TRMT9B: variants seen among roughly 807,000 people sequenced by gnomAD.
The protein encoded by TRMT9B is probable tRNA methyltransferase 9B.
Under a neutral mutation model 11.5 loss-of-function variants are expected in TRMT9B, and 16 were observed. The ratio of observed to expected loss-of-function variants is 1.39; its 90% CI spans 0.94 to 2.11. The LOEUF is 2.11. Among genes scored for constraint, TRMT9B ranks in the 30% most tolerant of loss-of-function variants. The pLI, the probability that TRMT9B is intolerant of heterozygous loss-of-function variation, is 0.00. For synonymous variants in TRMT9B, 274 were observed against 192.4 expected, an observed-to-expected ratio of 1.42 and a Z score of -3.51; for missense variants, 941 against 553.8, an observed-to-expected ratio of 1.70 and a Z score of -7.02.
At chr8:12,968,809 C>A (rs538987788) in intron 1 of TRMT9B, among the ~76,000 whole-genome samples, 1 of 152,182 alleles carries the variant, frequency 6.6e-6, no homozygotes, top group Admixed American at 6.5e-5. Context: ...GAGAGCCATG[C>A]TGTTCATTAT....
At chr8:12,966,107 C>G (rs982430614) in intron 1 of TRMT9B, among the ~76,000 whole-genome samples, 1 of 151,876 alleles carries the variant, frequency 6.6e-6, no homozygotes, top group African/African-American at 2.4e-5. Flanking sequence ...AGAAGGATCA[C>G]TTGAGCCCAG....
chr8:13,002,248 G>T (rs1165752292), intron 2 of TRMT9B, among the ~76,000 whole-genome samples: 1 of 152,132 alleles, frequency 6.6e-6, no homozygotes, highest in African/African-American at 2.4e-5. Flanking sequence ...AAGGAACCCA[G>T]TTTATGTCGG....
intron 1 of TRMT9B, among the ~76,000 whole-genome samples, chr8:12,963,910 T>C (rs1338966320): frequency 6.6e-6 from 1 of 152,210 alleles, no homozygotes; most frequent in Non-Finnish European, 1.5e-5. Context: ...TGGGTTCTAG[T>C]CCTTGCTCCT....
At chr8:12,969,846 A>ATTTTTT (rs368805990) in intron 1 of TRMT9B, among the ~76,000 whole-genome samples, 2 of 124,372 alleles carry the variant, frequency 1.6e-5, no homozygotes, top group Non-Finnish European at 3.4e-5. Context: ...TAATGTTTTA[A>ATTTTTT]TTTTTTTTTT....
intron 2 of TRMT9B, among the ~76,000 whole-genome samples, chr8:13,000,725 C>A: frequency 6.6e-6 from 1 of 152,204 alleles, no homozygotes; most frequent in East Asian, 1.9e-4. Flanking sequence ...GATATTACAA[C>A]ACTATGTGTC....
At chr8:12,959,429 G>A (rs190613518) in intron 1 of TRMT9B, among the ~76,000 whole-genome samples, 3 of 150,014 alleles carry the variant, frequency 2.0e-5, no homozygotes, top group Non-Finnish European at 2.9e-5. Context: ...TTATGTCCAT[G>A]CAAATATGCC....
intron 4 of TRMT9B, among the ~76,000 whole-genome samples, chr8:13,013,164 A>T (rs972484639): frequency 2.0e-5 from 3 of 152,200 alleles, no homozygotes; most frequent in Non-Finnish European, 2.9e-5. Flanking sequence ...GCACTTCATT[A>T]TATTTAAATG....
chr8:12,972,832 C>A (rs1029922443), intron 1 of TRMT9B, among the ~76,000 whole-genome samples: 6 of 151,654 alleles, frequency 4.0e-5, no homozygotes, highest in African/African-American at 1.4e-4. Flanking sequence ...GTAAAATATG[C>A]ATAATATAAA....
chr8:12,972,307 C>T (rs551816835), intron 1 of TRMT9B, among the ~76,000 whole-genome samples: 49 of 152,238 alleles, frequency 3.2e-4, no homozygotes, highest in Admixed American at 1.4e-3. Context: ...GCGGGGCTGG[C>T]CGGCTGGTGC....
intron 1 of TRMT9B, among the ~76,000 whole-genome samples, chr8:12,989,984 A>C (rs1301960268): frequency 9.2e-5 from 14 of 152,256 alleles, no homozygotes; most frequent in African/African-American, 2.2e-4. Flanking sequence ...ATTGATTCTT[A>C]AATAGGGGCC....
chr8:12,966,549 G>C (rs1455371877), intron 1 of TRMT9B, among the ~76,000 whole-genome samples: 1 of 152,188 alleles, frequency 6.6e-6, no homozygotes, highest in East Asian at 1.9e-4. Context: ...GCATGTGTTG[G>C]AAAGATTTCC....
intron 3 of TRMT9B, chr8:13,010,285 T>C (rs993137567): frequency 5.5e-6 from 5 of 913,958 alleles, no homozygotes; most frequent in African/African-American, 1.8e-5. Flanking sequence ...ATAAATAGGG[T>C]CATATTTTCA....
At chr8:12,956,111 A>T (rs1208619627) in intron 1 of TRMT9B, among the ~76,000 whole-genome samples, 1 of 152,182 alleles carries the variant, frequency 6.6e-6, no homozygotes, top group Non-Finnish European at 1.5e-5. Context: ...CTGCAAGAAC[A>T]CTGTGCCCAG....
chr8:12,975,544 C>A (rs896265699), intron 1 of TRMT9B, among the ~76,000 whole-genome samples: 3 of 152,038 alleles, frequency 2.0e-5, no homozygotes, highest in African/African-American at 4.8e-5. Flanking sequence ...CGAGACCAGC[C>A]TGGCCAACAT....
intron 1 of TRMT9B, among the ~76,000 whole-genome samples, chr8:12,973,432 T>C (rs1313600230): frequency 6.6e-6 from 1 of 152,208 alleles, no homozygotes. Context: ...CACAGTGGTC[T>C]GGACCAAGCT....
intron 1 of TRMT9B, among the ~76,000 whole-genome samples, chr8:12,986,312 G>T (rs1028611494): frequency 1.3e-5 from 2 of 151,828 alleles, no homozygotes; most frequent in African/African-American, 4.8e-5. Flanking sequence ...GTCTTCCCTG[G>T]GGCCATCCTT....
intron 4 of TRMT9B, 110 bp from the exon 5 acceptor site, chr8:13,020,898 G>A (rs1026132658): frequency 2.1e-5 from 14 of 669,594 alleles, no homozygotes; most frequent in Middle Eastern, 4.0e-4. Flanking sequence ...AAATAAGAAG[G>A]TTTCATTAGA....
intron 1 of TRMT9B, among the ~76,000 whole-genome samples, chr8:12,979,298 T>A (rs1472773781): frequency 6.6e-6 from 1 of 152,120 alleles, no homozygotes; most frequent in African/African-American, 2.4e-5. Flanking sequence ...ATTCAAGTAA[T>A]TTGGCAGCCT....
intron 3 of TRMT9B, chr8:13,011,474 A>C: frequency 5.1e-6 from 5 of 984,794 alleles, no homozygotes; most frequent in Non-Finnish European, 6.0e-6. Context: ...AGGTAGAAAA[A>C]TTTCATCAGT....
Sources: gnomAD v4.1 joint callset for allele counts (sites outside exome capture counted in the v4.1 genomes callset) on GRCh38, gnomAD v4.1.1 for gene constraint, MANE v1.5 for transcripts, NCBI Gene and HGNC (gene_info 2026-07-23, HGNC 2026-07-21) for gene names.